Variants in EPHA6 observed in about 807,000 individuals in gnomAD.
EPHA6 encodes ephrin type-A receptor 6.
A neutral mutation model predicts 112.0 loss-of-function variants in EPHA6; 50 were observed. The ratio of observed to expected loss-of-function variants is 0.45; its 90% CI spans 0.36 to 0.56. The LOEUF is 0.56. EPHA6 is among the 20% of genes least tolerant of loss of function. The pLI is 0.00. For missense variants in EPHA6, 1,280 were observed against 1,417.4 expected (o/e 0.90, Z 1.56); for synonymous variants, 529 against 490.7 (o/e 1.08, Z -1.03).
intron 5 of EPHA6, among the ~76,000 whole-genome samples, chr3:97,281,121 T>TA (rs1221832702): frequency 1.3e-5 from 2 of 151,924 alleles, no homozygotes; most frequent in African/African-American, 2.4e-5. Flanking sequence ...AGAGGTGTCA[T>TA]AAAAAAGGAA....
At chr3:97,010,233 G>A in intron 3 of EPHA6, 2 of 485,620 alleles carry the variant, frequency 4.1e-6, no homozygotes, top group South Asian at 2.2e-5. Flanking sequence ...TAGATTATTT[G>A]TAATATCATG....
At chr3:97,566,800 A>G (rs1345859090) in intron 11 of EPHA6, among the ~76,000 whole-genome samples, 1 of 152,092 alleles carries the variant, frequency 6.6e-6, no homozygotes, top group African/African-American at 2.4e-5. Flanking sequence ...TTCTATATGG[A>G]CACCTTCTGT....
intron 5 of EPHA6, among the ~76,000 whole-genome samples, chr3:97,300,639 C>A (rs913581353): frequency 6.6e-6 from 1 of 152,070 alleles, no homozygotes; most frequent in Non-Finnish European, 1.5e-5. Context: ...TACCAGGAGA[C>A]CTCTAGTCCC....
At chr3:97,145,583 G>T (rs1576568940) in intron 3 of EPHA6, among the ~76,000 whole-genome samples, 1 of 149,946 alleles carries the variant, frequency 6.7e-6, no homozygotes. Flanking sequence ...CCTATTTCAT[G>T]TTTATTTTAC....
chr3:97,037,800 A>G (rs2045161190), intron 3 of EPHA6, among the ~76,000 whole-genome samples: 1 of 152,080 alleles, frequency 6.6e-6, no homozygotes, highest in Non-Finnish European at 1.5e-5. Flanking sequence ...ATATTTGCAG[A>G]TGATTCAATG....
chr3:97,693,726 T>C (rs1211114391), intron 14 of EPHA6, among the ~76,000 whole-genome samples: 1 of 152,134 alleles, frequency 6.6e-6, no homozygotes, highest in Non-Finnish European at 1.5e-5. Context: ...GAGAATGGCC[T>C]GAACCCGGGA....
chr3:96,939,556 C>T (rs956017222), intron 2 of EPHA6, among the ~76,000 whole-genome samples: 1 of 152,176 alleles, frequency 6.6e-6, no homozygotes, highest in Admixed American at 6.5e-5. Flanking sequence ...AAAAAACCAG[C>T]TCCTGGATTC....
chr3:97,145,112 A>G (rs115565821), intron 3 of EPHA6, among the ~76,000 whole-genome samples: 2,029 of 151,618 alleles, frequency 0.013, 41 homozygotes, highest in African/African-American at 0.044. Flanking sequence ...TATATTTAAT[A>G]TAGAGTAAAA....
chr3:97,423,787 A>G (rs939314513), intron 6 of EPHA6, among the ~76,000 whole-genome samples: 3 of 152,206 alleles, frequency 2.0e-5, no homozygotes, highest in Non-Finnish European at 2.9e-5. Context: ...CCAAAACAGC[A>G]TGGTACAGAA....
chr3:97,737,928 C>T (rs962093839), intron 16 of EPHA6, among the ~76,000 whole-genome samples: 4 of 151,984 alleles, frequency 2.6e-5, no homozygotes, highest in Non-Finnish European at 5.9e-5. Context: ...GAGGGAAGAG[C>T]AGTATCATAG....
intron 10 of EPHA6, among the ~76,000 whole-genome samples, chr3:97,507,524 G>A (rs1363054647): frequency 5.3e-5 from 8 of 152,064 alleles, no homozygotes; most frequent in African/African-American, 1.7e-4. Flanking sequence ...TGACTTAATC[G>A]TGGTGGATAA....
chr3:97,028,469 C>T (rs1253491106), intron 3 of EPHA6, among the ~76,000 whole-genome samples: 2 of 152,000 alleles, frequency 1.3e-5, no homozygotes, highest in Non-Finnish European at 2.9e-5. Context: ...TGGGAAGTTA[C>T]AGTTGCGATT....
At chr3:97,724,508 C>T (rs901505165) in intron 15 of EPHA6, among the ~76,000 whole-genome samples, 2 of 152,124 alleles carry the variant, frequency 1.3e-5, no homozygotes, top group African/African-American at 4.8e-5. Context: ...TAGTAGCTCA[C>T]ACATATAATC....
chr3:97,300,266 A>C (rs2081039767), intron 5 of EPHA6, among the ~76,000 whole-genome samples: 1 of 152,212 alleles, frequency 6.6e-6, no homozygotes, highest in Non-Finnish European at 1.5e-5. Flanking sequence ...AAATTACTTC[A>C]ATACTTGAAG....
chr3:97,236,828 G>A (rs949478529), intron 4 of EPHA6, among the ~76,000 whole-genome samples: 6 of 151,994 alleles, frequency 3.9e-5, no homozygotes, highest in African/African-American at 1.2e-4. Context: ...CTTACTCTGC[G>A]TAGAGCAAAT....
At chr3:97,362,813 T>C (rs754474218) in intron 5 of EPHA6, among the ~76,000 whole-genome samples, 9 of 151,890 alleles carry the variant, frequency 5.9e-5, no homozygotes, top group South Asian at 2.1e-4. Flanking sequence ...TGGTCCAATC[T>C]GTGAAAGTGT....
Position 97,748,917 on chromosome 3 carries a change from C to T in EPHA6, c.*216C>T. On this transcript the variant is annotated 3_prime_UTR_variant, in exon 18 of 18. Transcript: ENST00000389672. ...AATAACCTGCAACTAAAACCCTGGC[C>T]CACTGCAGATTATTGCTACGCAATG... The T allele has an allele frequency of 1.9e-6, 1 of 532,176 alleles. No homozygotes were observed. Among genetic ancestry groups the T allele is most frequent in the Non-Finnish European group, 3.4e-6 (1 of 293,882 alleles). 33.0% of individuals were successfully genotyped at this position (532,176 alleles called of 1,614,324 possible).
intron 5 of EPHA6, among the ~76,000 whole-genome samples, chr3:97,373,792 C>G (rs2085199704): frequency 6.6e-6 from 1 of 152,018 alleles, no homozygotes; most frequent in African/African-American, 2.4e-5. Flanking sequence ...TTTTAAAGTC[C>G]TGAACTATCT....
chr3:97,554,967 A>G lies in EPHA6; in HGVS notation c.2386+22424A>G, dbSNP rs917106098. ...TATTATACCTTAAGTTTTAGGTTACATGTGTACAATGTGCTGGTTGGTTAC... is the reference window on the plus strand; with the variant it reads ...TATTATACCTTAAGTTTTAGGTTACGTGTGTACAATGTGCTGGTTGGTTAC... On this transcript the variant is annotated intron_variant, in intron 11 of 17. Coordinates refer to ENST00000389672, the MANE Select transcript of EPHA6 (RefSeq NM_001080448.3). 2.6e-5 allele frequency among the ~76,000 whole-genome samples: 4 copies of G among 151,704 alleles called. No individual in the cohort carries two copies. In the South Asian group the frequency reaches 6.3e-4, roughly 24 times the overall value.
Sources: allele counts gnomAD v4.1 joint callset (sites outside exome capture counted in the v4.1 genomes callset), GRCh38; gene constraint gnomAD v4.1.1; transcripts MANE v1.5; gene names NCBI Gene and HGNC (gene_info 2026-07-23, HGNC 2026-07-21).